Variants in SUPT20H observed in about 807,000 individuals in gnomAD.
SUPT20H encodes SPT20 homolog, SAGA complex component.
In SUPT20H, 82 loss-of-function variants were observed where a neutral mutation model predicts 122.8. The observed-to-expected ratio is 0.67, with a 90% CI of 0.56 to 0.80. The LOEUF is 0.80. Ranked by LOEUF, SUPT20H falls within the 30% of genes least tolerant of loss-of-function variation. The probability of loss-of-function intolerance (pLI) is 0.00; values close to 1 mark genes in which losing one functional copy is unlikely to be tolerated. For synonymous variants in SUPT20H, 291 were observed against 313.0 expected (o/e 0.93, Z 0.74); for missense variants, 831 against 921.6 (o/e 0.90, Z 1.27).
intron 21 of SUPT20H, 59 bp from the exon 22 acceptor site, chr13:37,019,456 T>G: frequency 1.6e-6 from 2 of 1,247,158 alleles, no homozygotes; most frequent in Non-Finnish European, 2.3e-6. Context: ...ATGAAAATAA[T>G]TTATACTTTA....
rs1180660573 is a variant in SUPT20H, at chr13:37,009,617, C to A, written c.*55G>T. 2 of 1,603,538 alleles carry A rather than the reference C, an allele frequency of 1.2e-6. No individual in the cohort carries two copies. The highest frequency in any genetic ancestry group is 2.2e-5 in the East Asian group (1 of 44,748). On this transcript the variant is annotated 3_prime_UTR_variant, in exon 26 of 26. Transcript: ENST00000350612. ...AAAAACAAAAAGTAGAAACTCAATT[C>A]TTTTGATTCAGTGCTCTTGTGTTTT...
chr13:37,018,264 C>G (rs1319312746), intron 22 of SUPT20H, among the ~76,000 whole-genome samples: 1 of 152,134 alleles, frequency 6.6e-6, no homozygotes, highest in Non-Finnish European at 1.5e-5. Context: ...ATATAACAAA[C>G]TAAAGGATTT....
chr13:37,026,886 A>G (rs977375657), intron 14 of SUPT20H, 70 bp from the exon 15 acceptor site: 1 of 1,007,476 alleles, frequency 9.9e-7, no homozygotes, highest in Non-Finnish European at 1.4e-6. Context: ...TTTATTAAAT[A>G]AAGTATTTTA....
intron 7 of SUPT20H, among the ~76,000 whole-genome samples, chr13:37,042,823 G>C (rs916495269): frequency 6.6e-6 from 1 of 152,136 alleles, no homozygotes; most frequent in Non-Finnish European, 1.5e-5. Flanking sequence ...AGTTGGAGAA[G>C]GATATGAGGT....
intron 1 of SUPT20H, among the ~76,000 whole-genome samples, chr13:37,053,860 T>C (rs920347447): frequency 5.3e-5 from 8 of 152,020 alleles, no homozygotes; most frequent in African/African-American, 9.7e-5. Flanking sequence ...ACAAAATTGA[T>C]AGACTGCTAG....
chr13:37,012,961 C>T (rs955991149), intron 23 of SUPT20H: 1 of 151,962 alleles, frequency 6.6e-6, no homozygotes, highest in Non-Finnish European at 1.5e-5. Context: ...AACTACAAAA[C>T]ATTGACTTTG....
chr13:37,055,375 G>A (rs1211930082), intron 1 of SUPT20H, among the ~76,000 whole-genome samples: 1 of 152,036 alleles, frequency 6.6e-6, no homozygotes, highest in Non-Finnish European at 1.5e-5. Flanking sequence ...TATACTACAA[G>A]GCTACATTAA....
At chr13:37,048,144 A>G (rs75500177) in intron 3 of SUPT20H, among the ~76,000 whole-genome samples, 1 of 152,320 alleles carries the variant, frequency 6.6e-6, no homozygotes, top group East Asian at 1.9e-4. Flanking sequence ...AGAGTATTTC[A>G]TTGCCATAAG....
At chr13:37,023,357 C>T (rs1041949846) in intron 19 of SUPT20H, among the ~76,000 whole-genome samples, 3 of 151,900 alleles carry the variant, frequency 2.0e-5, no homozygotes, top group South Asian at 2.1e-4. Context: ...GACTTTTTTC[C>T]CCAAATTGGT....
chr13:37,047,962 A>G, intron 3 of SUPT20H, 26 bp from the exon 4 acceptor site: 1 of 1,586,382 alleles, frequency 6.3e-7, no homozygotes, highest in Non-Finnish European at 8.6e-7. Context: ...TTATGAGAAC[A>G]GCTTGCTTTT....
rs185042773 is a variant in SUPT20H, at chr13:37,022,687, T to C, written c.1592-607A>G. On this transcript the variant is annotated intron_variant, in intron 19 of 25. Transcript: ENST00000350612. This position sits in a 1 kb window ranked among gnomAD's most constrained non-coding sequence, Gnocchi z 4.5. ...CGATTTCACTAATTCAAGACTTCAT[T>C]TAAAAATATTGCTTATTTAGTGTAA... 30 of 995,420 alleles carry C rather than the reference T, an allele frequency of 3.0e-5. No individual in the cohort carries two copies. In the African/African-American group the frequency reaches 4.7e-4, roughly 16 times the overall value. The allele number at this position is 995,420 out of a possible 1,614,324, so 61.7% of individuals were successfully genotyped here.
In SUPT20H at chr13:37,024,138, A is replaced by T; in HGVS notation, c.1488T>A (p.Pro496=). ...GAATACTTGATGGCTTAGAAGAAGG[A>T]GGAGGAGTTGGAGATTTGAGAAAGC... ...TSSFLKSPTP[P]PSSKPSSIPR... Residue 496 remains proline (P), a synonymous_variant, in exon 19 of 26, where the codon CCT becomes CCA. Coordinates refer to ENST00000350612, the MANE Select transcript of SUPT20H (RefSeq NM_001014286.3). 1 of 1,613,804 alleles carries T rather than the reference A, an allele frequency of 6.2e-7. No individual in the cohort carries two copies. Among genetic ancestry groups the T allele is most frequent in the Non-Finnish European group, 8.5e-7 (1 of 1,179,800 alleles).
At chr13:37,024,290 T>A in intron 18 of SUPT20H, 50 bp downstream of exon 18, 1 of 1,520,862 alleles carries the variant, frequency 6.6e-7, no homozygotes, top group Non-Finnish European at 8.8e-7. Context: ...GAGATTATGA[T>A]TATATAATAT....
At chr13:37,021,800 CGATAA>C (rs1010659579) in intron 20 of SUPT20H, among the ~76,000 whole-genome samples, 198 bp from the exon 21 acceptor site, 10 of 152,114 alleles carry the variant, frequency 6.6e-5, no homozygotes, top group Admixed American at 2.0e-4. Flanking sequence ...AAAACAAAAA[CGATAA>C]GATGAGATAT....
chr13:37,019,540 A>G (rs887661490), intron 21 of SUPT20H, 143 bp from the exon 22 acceptor site: 2 of 491,708 alleles, frequency 4.1e-6, no homozygotes, highest in Non-Finnish European at 6.9e-6. Flanking sequence ...AAAATATCTT[A>G]AAAACAAAAG....
intron 24 of SUPT20H, 102 bp from the exon 25 acceptor site, chr13:37,010,757 G>A: frequency 2.6e-6 from 2 of 775,394 alleles, no homozygotes; most frequent in South Asian, 3.4e-5. Flanking sequence ...AAAGTTAGCA[G>A]TATGATTAAT....
At chr13:37,040,254 T>G (rs1479064768) in intron 9 of SUPT20H, 151 bp downstream of exon 9, 25 of 704,850 alleles carry the variant, frequency 3.5e-5, no homozygotes, top group Non-Finnish European at 5.7e-5. Flanking sequence ...GACCCTTAAC[T>G]TCTAGATCTT....
In SUPT20H at chr13:37,009,885, A is replaced by G. The variant is rs542601125; in HGVS notation, c.2203-76T>C. On this transcript the variant is annotated intron_variant, in intron 25 of 25. Coordinates refer to ENST00000350612, the MANE Select transcript of SUPT20H (RefSeq NM_001014286.3). The stretch of plus-strand genomic sequence containing the variant: ...AGAAAGGTGCTTTTCCTGAGTGACG[A>G]AACAACACAACTGAAAAAGGGAGAA... 28 of 1,533,960 alleles carry G rather than the reference A, an allele frequency of 1.8e-5. No homozygotes were observed. In the African/African-American group the frequency reaches 3.3e-4, roughly 18 times the overall value.
At chr13:37,040,346 G>T in intron 9 of SUPT20H, 59 bp downstream of exon 9, 1 of 1,397,328 alleles carries the variant, frequency 7.2e-7, no homozygotes, top group South Asian at 1.4e-5. Flanking sequence ...TTTGCTTAAT[G>T]ATAATTTTTT....
Sources: gnomAD v4.1 joint callset for allele counts (sites outside exome capture counted in the v4.1 genomes callset) on GRCh38, gnomAD v4.1.1 for gene constraint, Gnocchi (gnomAD v3.1) non-coding constraint, MANE v1.5 for transcripts, NCBI Gene and HGNC (gene_info 2026-07-23, HGNC 2026-07-21) for gene names.